Variants in DMD observed in about 807,000 individuals in gnomAD.
The protein encoded by DMD is dystrophin.
DMD carries 63 observed loss-of-function variants against 330.1 expected under a neutral mutation model. That is an observed-to-expected ratio of 0.19 (90% confidence interval 0.16 to 0.24). The LOEUF (loss-of-function observed/expected upper bound fraction) is 0.24. Ranked by LOEUF, DMD falls within the 10% of genes least tolerant of loss-of-function variation. The pLI is 1.00. For synonymous variants in DMD, 1,223 were observed against 959.8 expected (o/e 1.27, Z -5.07); for missense variants, 3,344 against 2,684.1 (o/e 1.25, Z -5.43).
chrX:32,518,609 T>A (rs2046100787), intron 17 of DMD, among the ~76,000 whole-genome samples: 1 of 111,327 alleles, frequency 9.0e-6, no homozygotes, highest in Non-Finnish European at 1.9e-5. Flanking sequence ...GTACTGCAAG[T>A]AAGGTTTTGA....
chrX:33,259,099 T>C (rs770541136), intron 1 of DMD, among the ~76,000 whole-genome samples: 1 of 111,444 alleles, frequency 9.0e-6, no homozygotes, highest in Admixed American at 9.6e-5. Flanking sequence ...TATGGCGCTT[T>C]ACTGTGCGTT....
chrX:32,851,836 C>A (rs1019209289), intron 2 of DMD, among the ~76,000 whole-genome samples: 15 of 111,853 alleles, frequency 1.3e-4, no homozygotes, highest in Admixed American at 1.3e-3. Context: ...ATTCATCAAG[C>A]GCACATAGAG....
intron 17 of DMD, among the ~76,000 whole-genome samples, chrX:32,519,637 A>G (rs2046230521): frequency 8.9e-6 from 1 of 112,055 alleles, no homozygotes; most frequent in Non-Finnish European, 1.9e-5. Context: ...TTCAACTCAC[A>G]TTGCAATTCA....
At chrX:31,560,347 G>A (rs2075126110) in intron 55 of DMD, among the ~76,000 whole-genome samples, 1 of 111,312 alleles carries the variant, frequency 9.0e-6, no homozygotes, top group South Asian at 3.8e-4. Flanking sequence ...ATTACTAATA[G>A]GACACATAAA....
At chrX:33,260,274 T>G (rs148901336) in intron 1 of DMD, among the ~76,000 whole-genome samples, 1,541 of 111,450 alleles carry the variant, frequency 0.014, 28 homozygotes, top group African/African-American at 0.047. Context: ...GCTTAACAGG[T>G]AAATATTTTT....
intron 45 of DMD, among the ~76,000 whole-genome samples, chrX:31,951,143 G>GTATGTATA (rs1569521262): frequency 1.2e-4 from 9 of 74,336 alleles, no homozygotes; most frequent in Non-Finnish European, 1.9e-4. Flanking sequence ...ATATATATGT[G>GTATGTATA]TATATATATA....
intron 52 of DMD, among the ~76,000 whole-genome samples, chrX:31,695,279 G>A (rs1218928974): frequency 1.8e-5 from 2 of 110,942 alleles, no homozygotes; most frequent in Non-Finnish European, 3.8e-5. Context: ...ACAAAGGGTA[G>A]TGTGGAGGTA....
At chrX:31,524,065 C>T (rs1016163144) in intron 55 of DMD, among the ~76,000 whole-genome samples, 1 of 111,836 alleles carries the variant, frequency 8.9e-6, no homozygotes, top group Non-Finnish European at 1.9e-5. Context: ...GTCAGGAACA[C>T]AAGGGCAATA....
At chrX:31,524,462 G>C (rs1421325874) in intron 55 of DMD, among the ~76,000 whole-genome samples, 1 of 111,742 alleles carries the variant, frequency 8.9e-6, no homozygotes, top group Non-Finnish European at 1.9e-5. Flanking sequence ...CACATGTGTT[G>C]TGGCAAAGGC....
intron 2 of DMD, among the ~76,000 whole-genome samples, chrX:32,901,019 A>G (rs2086189965): frequency 1.8e-5 from 2 of 111,486 alleles, no homozygotes; most frequent in African/African-American, 6.5e-5. Context: ...CCAAAAGATG[A>G]AAATATGTTT....
intron 56 of DMD, among the ~76,000 whole-genome samples, chrX:31,499,955 T>A (rs183620317): frequency 3.7e-3 from 410 of 112,121 alleles, no homozygotes; most frequent in Middle Eastern, 9.2e-3. Flanking sequence ...GTAAGGGGAC[T>A]TCCTTTAATT....
rs185269062 is a variant in DMD, at chrX:32,765,062, C to T, written c.649+44431G>A. Among the ~76,000 whole-genome samples the T allele has an allele frequency of 8.1e-4, 88 of 108,134 alleles. 1 individual carries two copies. The highest frequency in any genetic ancestry group is 2.7e-3 in the African/African-American group (81 of 29,811). 93.9% of individuals were successfully genotyped at this position (108,134 alleles called of 115,157 possible). On this transcript the variant is annotated intron_variant, in intron 7 of 78. Coordinates refer to ENST00000357033, the MANE Select transcript of DMD (RefSeq NM_004006.3). ...GCATTTCCCTAATGATCAGCGATAT[C>T]GATTATCTACTCATGGTCTTACTGG...
At chrX:33,061,154 C>T (rs1321864833) in intron 1 of DMD, among the ~76,000 whole-genome samples, 1 of 112,079 alleles carries the variant, frequency 8.9e-6, no homozygotes, top group Non-Finnish European at 1.9e-5. Flanking sequence ...CTTTAACTTG[C>T]TATCAAGGCA....
intron 20 of DMD, among the ~76,000 whole-genome samples, chrX:32,488,370 G>T (rs753295397): frequency 9.0e-6 from 1 of 110,692 alleles, no homozygotes; most frequent in African/African-American, 3.3e-5. Flanking sequence ...TTCTGATAAG[G>T]CTCTCTAACC....
chrX:31,253,023 T>A (rs1454921601), intron 63 of DMD, among the ~76,000 whole-genome samples: 1 of 111,827 alleles, frequency 8.9e-6, no homozygotes, highest in Admixed American at 9.4e-5. Flanking sequence ...AATATGATTA[T>A]CCTATTATTC....
At chrX:31,786,923 C>T (rs1286344785) in intron 50 of DMD, among the ~76,000 whole-genome samples, 1 of 112,035 alleles carries the variant, frequency 8.9e-6, no homozygotes, top group Non-Finnish European at 1.9e-5. Context: ...CAATACTTCT[C>T]AAAATACTTT....
At chrX:31,720,545 G>T (rs1043942202) in intron 52 of DMD, among the ~76,000 whole-genome samples, 1 of 111,574 alleles carries the variant, frequency 9.0e-6, no homozygotes, top group African/African-American at 3.3e-5. Flanking sequence ...GTTTGTATTT[G>T]TCTTATTAGC....
chrX:32,036,444 A>C (rs896764761), intron 44 of DMD, among the ~76,000 whole-genome samples: 2 of 111,803 alleles, frequency 1.8e-5, no homozygotes, highest in African/African-American at 6.5e-5. Flanking sequence ...AACAAAACTT[A>C]GTGATTAATT....
chrX:31,278,838 A>G (rs1366148771), intron 62 of DMD, among the ~76,000 whole-genome samples: 1 of 112,113 alleles, frequency 8.9e-6, no homozygotes, highest in African/African-American at 3.2e-5. Context: ...GATGGTCCCC[A>G]TTCTATTTAA....
Sources: gnomAD v4.1 joint callset for allele counts (sites outside exome capture counted in the v4.1 genomes callset) on GRCh38, gnomAD v4.1.1 for gene constraint, MANE v1.5 for transcripts, NCBI Gene and HGNC (gene_info 2026-07-23, HGNC 2026-07-21) for gene names.